Variants in MBNL2 observed in about 807,000 individuals in gnomAD.
MBNL2 encodes muscleblind like splicing regulator 2, also known as muscleblind-like protein 2.
A neutral mutation model predicts 41.9 loss-of-function variants in MBNL2; 17 were observed. The ratio of observed to expected loss-of-function variants is 0.41; its 90% confidence interval spans 0.28 to 0.61. MBNL2 has a LOEUF of 0.61. MBNL2 is among the 20% of genes least tolerant of loss of function. The pLI is 0.35. For synonymous variants in MBNL2, 195 were observed against 182.9 expected, an observed-to-expected ratio of 1.07 and a Z score of -0.53; for missense variants, 336 against 505.6, an observed-to-expected ratio of 0.66 and a Z score of 3.22.
At chr13:97,383,476 G>A (rs1374015344) in intron 8 of MBNL2, among the ~76,000 whole-genome samples, 1 of 152,076 alleles carries the variant, frequency 6.6e-6, no homozygotes, top group East Asian at 1.9e-4. Context: ...TTTTTCTTTA[G>A]TATATCTAAA....
chr13:97,357,549 G>T lies in MBNL2; in HGVS notation c.926G>T (p.Ser309Ile), dbSNP rs537929130. Reference sequence around the variant, plus strand: ...GCACTTGAAAAAAGCAATGGTACCAGCGCGGTCTTTAACCCCAGCGTCTTG... The same window carrying T: ...GCACTTGAAAAAAGCAATGGTACCATCGCGGTCTTTAACCCCAGCGTCTTG... Reference protein sequence around the residue: ...RQALEKSNGTSAVFNPSVLHY... With the variant: ...RQALEKSNGTIAVFNPSVLHY... Residue 309 changes from serine (S) to isoleucine (I), a missense_variant, in exon 7 of 9, where the codon AGC becomes ATC. By Grantham distance (142) the Ser-to-Ile change is moderately radical (BLOSUM62 -2). Coordinates refer to ENST00000679496, the MANE Select transcript of MBNL2 (RefSeq NM_001382683.1). 6.2e-7 allele frequency: 1 copy of T among 1,613,984 alleles called. No individual in the cohort carries two copies. The highest frequency in any genetic ancestry group is 1.7e-5 in the Admixed American group (1 of 59,986).
chr13:97,173,919 A>G, the MBNL2 span, among the ~76,000 whole-genome samples: 1 of 152,072 alleles, frequency 6.6e-6, no homozygotes, highest in East Asian at 1.9e-4. Context: ...CTGCATTTCC[A>G]TGGAACTCCC....
chr13:97,319,596 C>T, intron 2 of MBNL2, among the ~76,000 whole-genome samples: 1 of 152,176 alleles, frequency 6.6e-6, no homozygotes, highest in Admixed American at 6.5e-5. Flanking sequence ...AAAGCAACTC[C>T]AAATTAATTG....
the MBNL2 span, among the ~76,000 whole-genome samples, chr13:97,216,423 T>C: frequency 6.6e-6 from 1 of 152,114 alleles, no homozygotes; most frequent in Non-Finnish European, 1.5e-5. Flanking sequence ...AAAATAGCAG[T>C]ACATACTAAA....
chr13:97,388,587 G>A (rs140510425), intron 8 of MBNL2, among the ~76,000 whole-genome samples: 4 of 152,010 alleles, frequency 2.6e-5, no homozygotes, highest in African/African-American at 7.2e-5. Flanking sequence ...GTGGTCTTCC[G>A]GCTAGATCTG....
intron 2 of MBNL2, among the ~76,000 whole-genome samples, chr13:97,311,242 C>T (rs1478951333): frequency 5.9e-5 from 9 of 152,212 alleles, no homozygotes; most frequent in African/African-American, 1.4e-4. Context: ...AACACAATGC[C>T]GGCATTGTAA....
chr13:97,312,498 G>T (rs570184959), intron 2 of MBNL2, among the ~76,000 whole-genome samples: 2 of 152,262 alleles, frequency 1.3e-5, no homozygotes, highest in East Asian at 3.9e-4. Flanking sequence ...AAGCTTTAAT[G>T]ATTTCAGGAT....
chr13:97,319,114 G>C (rs185504466), intron 2 of MBNL2, among the ~76,000 whole-genome samples: 4 of 152,328 alleles, frequency 2.6e-5, no homozygotes. Flanking sequence ...GCAAAAGGCA[G>C]AGCTTCACTC....
At chr13:97,250,138 C>A (rs1197960917) in intron 1 of MBNL2, among the ~76,000 whole-genome samples, 2 of 152,088 alleles carry the variant, frequency 1.3e-5, no homozygotes, top group Non-Finnish European at 2.9e-5. Flanking sequence ...CCAGGAACAC[C>A]AATAATTCTT....
chr13:97,292,547 T>A (rs1236326631), intron 2 of MBNL2, among the ~76,000 whole-genome samples: 2 of 152,252 alleles, frequency 1.3e-5, no homozygotes, highest in African/African-American at 4.8e-5. Context: ...GAAAGTTCTA[T>A]TTGATCATTT....
intron 8 of MBNL2, among the ~76,000 whole-genome samples, chr13:97,385,641 T>A (rs1401725506): frequency 6.6e-6 from 1 of 152,172 alleles, no homozygotes; most frequent in African/African-American, 2.4e-5. Context: ...AATGAGCACT[T>A]TTACATAAGA....
chr13:97,343,053 C>T lies in MBNL2; in HGVS notation c.377C>T (p.Thr126Met), dbSNP rs754344124. Reference sequence around the variant, plus strand: ...GTAGGTCCCGCGATAGGGACAAATACGGCTATTAGCTTTGCTCCTTACCTA... The same window carrying T: ...GTAGGTCCCGCGATAGGGACAAATATGGCTATTAGCTTTGCTCCTTACCTA... ...FPVGPAIGTN[T>M]AISFAPYLAP... is the part of the protein sequence containing the mutation. The change falls in exon 4 of 9, where the codon ACG becomes ATG. Residue 126 changes from threonine (T) to methionine (M), a missense_variant. Physicochemically the swap from Thr to Met is moderately conservative, Grantham distance 81 (BLOSUM62 -1). Transcript: ENST00000679496. The T allele has an allele frequency of 2.5e-5, 41 of 1,613,708 alleles. No homozygotes were observed. The highest frequency in any genetic ancestry group is 3.3e-5 in the Non-Finnish European group (39 of 1,179,720).
At chr13:97,276,454 T>C in intron 2 of MBNL2, 45 bp downstream of exon 2, 1 of 1,541,280 alleles carries the variant, frequency 6.5e-7, no homozygotes, top group East Asian at 2.3e-5. Context: ...CACATTGGAA[T>C]TGCAAACAGA....
rs2060728005 is a variant in MBNL2 at position 97,334,679 on chromosome 13, A to G, written c.339+239A>G. 6.6e-6 allele frequency among the ~76,000 whole-genome samples: 1 copy of G among 152,242 alleles called. No homozygotes were observed. Among genetic ancestry groups the G allele is most frequent in the Non-Finnish European group, 1.5e-5 (1 of 68,038 alleles). On this transcript the variant is annotated intron_variant, in intron 3 of 8. Coordinates refer to ENST00000679496, the MANE Select transcript of MBNL2 (RefSeq NM_001382683.1). This position sits in a 1 kb window ranked among gnomAD's most constrained non-coding sequence, Gnocchi z 5.3. The stretch of plus-strand genomic sequence containing the variant: ...ATATCTGGGAAATCTGTATCACTCC[A>G]ACTCTTTTCACCAGTAACTCTCTAT...
At chr13:97,302,120 G>A (rs990967365) in intron 2 of MBNL2, among the ~76,000 whole-genome samples, 10 of 152,246 alleles carry the variant, frequency 6.6e-5, no homozygotes, top group African/African-American at 1.2e-4. Context: ...CTTCTGCCCC[G>A]TGAAGGCCCT....
the MBNL2 span, among the ~76,000 whole-genome samples, chr13:97,161,730 T>C: frequency 2.0e-5 from 3 of 152,216 alleles, no homozygotes; most frequent in Non-Finnish European, 4.4e-5. Flanking sequence ...CTGAAATAAC[T>C]GGGAACTTGA....
At chr13:97,215,346 A>G in the MBNL2 span, among the ~76,000 whole-genome samples, 3 of 152,362 alleles carry the variant, frequency 2.0e-5, no homozygotes, top group Middle Eastern at 3.4e-3. Flanking sequence ...GGGCTGCTGT[A>G]CATTTTCTAA....
At chr13:97,327,560 TAAAAAAAAAA>T (rs71922683) in intron 2 of MBNL2, among the ~76,000 whole-genome samples, 1 of 90,774 alleles carries the variant, frequency 1.1e-5, no homozygotes, top group Admixed American at 1.4e-4. Context: ...ACGTTATTTG[TAAAAAAAAAA>T]AAAAAAAAAA....
intron 2 of MBNL2, among the ~76,000 whole-genome samples, chr13:97,323,125 C>T (rs1297390004): frequency 2.0e-5 from 3 of 152,208 alleles, no homozygotes; most frequent in Non-Finnish European, 4.4e-5. Context: ...TGCAGGAACA[C>T]ACCCACAAAA....
Sources: gnomAD v4.1 joint callset for allele counts (sites outside exome capture counted in the v4.1 genomes callset) on GRCh38, gnomAD v4.1.1 for gene constraint, Gnocchi (gnomAD v3.1) non-coding constraint, MANE v1.5 for transcripts, NCBI Gene and HGNC (gene_info 2026-07-23, HGNC 2026-07-21) for gene names.